The following DDX54 variants were observed in gnomAD, a reference collection of about 807,000 sequenced individuals.
DDX54 encodes ATP-dependent RNA helicase DDX54.
DDX54 carries 67 observed loss-of-function variants against 105.5 expected under a neutral mutation model. The observed-to-expected ratio is 0.64, with a 90% CI of 0.52 to 0.78. DDX54 has a LOEUF of 0.78. DDX54 is among the 30% of genes least tolerant of loss of function. The pLI is 0.00. For missense variants in DDX54, 1,206 were observed against 1,230.5 expected, an observed-to-expected ratio of 0.98 and a Z score of 0.30; for synonymous variants, 514 against 509.9, an observed-to-expected ratio of 1.01 and a Z score of -0.11.
intron 12 of DDX54, among the ~76,000 whole-genome samples, chr12:113,166,698 T>A: frequency 6.6e-6 from 1 of 151,758 alleles, no homozygotes; most frequent in Admixed American, 6.5e-5. Context: ...CAAGACTTTG[T>A]CTCTCTTAAA....
In DDX54 at chr12:113,161,319, A is replaced by T; in HGVS notation, c.2364T>A (p.Ser788=). Residue 788 remains serine (S), a synonymous_variant, in exon 19 of 20, where the codon TCT becomes TCA. Coordinates refer to ENST00000306014, the MANE Select transcript of DDX54 (RefSeq NM_024072.4). ...CTCTTCGCTCTGGGCCTCGCCGGTC[A>T]GATGCCCCTTCTTCGTCCGAGTCAC... ...DDRDSDEEGA[S]DRRGPERRGG... 1 of 1,613,572 alleles carries T rather than the reference A, an allele frequency of 6.2e-7. No individual in the cohort carries two copies. The highest frequency in any genetic ancestry group is 8.5e-7 in the Non-Finnish European group (1 of 1,179,748).
chr12:113,181,099 A>G (rs1480259768), intron 1 of DDX54, 41 bp from the exon 2 acceptor site: 1 of 1,589,744 alleles, frequency 6.3e-7, no homozygotes, highest in South Asian at 1.1e-5. Context: ...CTCCAGGCAC[A>G]GTGGGACCAC....
At position 113,165,853 on chromosome 12, in the gene DDX54, T is replaced by C. The variant is rs376213344; in HGVS notation, c.1594A>G (p.Lys532Glu). ...SRPAPSPESIKRAKEMDLVGL... is the reference protein window; with the variant it reads ...SRPAPSPESIERAKEMDLVGL... ...ACAAGGTCCATCTCCTTGGCCCTCT[T>C]GATGGACTCAGGCGAGGGCGCCGGG... Residue 532 changes from lysine to glutamate, a missense_variant, in exon 13 of 20, where the codon AAG (lysine) becomes GAG (glutamate). Around this residue, in one of 3 missense-constraint regions of DDX54, gnomAD observed 961 missense variants for 1,019.1 expected, o/e 0.94. Coordinates refer to ENST00000306014, the MANE Select transcript of DDX54 (RefSeq NM_024072.4). The C allele has an allele frequency of 1.5e-5, 24 of 1,613,010 alleles. No individual in the cohort carries two copies. In the African/African-American group the frequency reaches 2.9e-4, roughly 20 times the overall value.
intron 19 of DDX54, 102 bp downstream of exon 19, chr12:113,161,168 G>A: frequency 1.1e-6 from 1 of 872,716 alleles, no homozygotes; most frequent in Non-Finnish European, 1.7e-6. Context: ...CCCAGCTCTG[G>A]GGCTCTGCAG....
chr12:113,157,488 A>T lies in DDX54; in HGVS notation c.*1389T>A. On this transcript the variant is annotated 3_prime_UTR_variant, in exon 20 of 20. Coordinates refer to ENST00000306014, the MANE Select transcript of DDX54 (RefSeq NM_024072.4). ...GAACCACCATCATCACTGTTCTTTT[A>T]ATGAGGGGATCTCCAGTCCCCGCCC... 2 of 783,812 alleles carry T rather than the reference A, an allele frequency of 2.6e-6. No homozygotes were observed. Among genetic ancestry groups the T allele is most frequent in the Non-Finnish European group, 4.2e-6 (2 of 473,660 alleles). 48.6% of individuals were successfully genotyped at this position (783,812 alleles called of 1,614,324 possible). A position where few individuals can be genotyped will look rare whatever the true frequency, so the allele number is the denominator to read the frequency against.
intron 19 of DDX54, among the ~76,000 whole-genome samples, chr12:113,160,047 G>A (rs1952184834): frequency 1.3e-5 from 2 of 152,194 alleles, no homozygotes; most frequent in African/African-American, 4.8e-5. Flanking sequence ...CGTCTCCCCA[G>A]CCCCTGCACG....
At chr12:113,169,990 G>A (rs550260125) in intron 11 of DDX54, 86 bp from the exon 12 acceptor site, 176 of 1,547,386 alleles carry the variant, frequency 1.1e-4, no homozygotes, top group Admixed American at 4.4e-4. Context: ...CTGAGCAGGT[G>A]AGCCTGGCCA....
intron 1 of DDX54, among the ~76,000 whole-genome samples, chr12:113,184,782 C>T (rs531335508): frequency 6.6e-6 from 1 of 152,166 alleles, no homozygotes; most frequent in Admixed American, 6.5e-5. Flanking sequence ...GGCGTGGCTA[C>T]ACAACTGCAC....
Position 113,157,480 on chromosome 12 carries a change from G to A in DDX54, c.*1397C>T. ...ACCTCTGGGAACCACCATCATCACT[G>A]TTCTTTTAATGAGGGGATCTCCAGT... On this transcript the variant is annotated 3_prime_UTR_variant, in exon 20 of 20. Coordinates refer to ENST00000306014, the MANE Select transcript of DDX54 (RefSeq NM_024072.4). 1 of 765,130 alleles carries A rather than the reference G, an allele frequency of 1.3e-6. No individual in the cohort carries two copies. The highest frequency in any genetic ancestry group is 2.2e-6 in the Non-Finnish European group (1 of 460,174). The allele number at this position is 765,130 out of a possible 1,614,324, so 47.4% of individuals were successfully genotyped here. A position where few individuals can be genotyped will look rare whatever the true frequency, so the allele number is the denominator to read the frequency against.
intron 12 of DDX54, among the ~76,000 whole-genome samples, chr12:113,168,482 T>G (rs940412078): frequency 6.6e-6 from 1 of 152,232 alleles, no homozygotes; most frequent in Non-Finnish European, 1.5e-5. Context: ...CAGCCCTCCC[T>G]CTAGCACAGA....
Position 113,163,100 on chromosome 12 carries a change from C to T in DDX54, c.2081+32G>A, listed in dbSNP as rs1231915942. On this transcript the variant is annotated intron_variant, in intron 16 of 19. Coordinates refer to ENST00000306014, the MANE Select transcript of DDX54 (RefSeq NM_024072.4). This position sits in a 1 kb window ranked among gnomAD's most constrained non-coding sequence, Gnocchi z 5.9. Reference sequence around the variant, plus strand: ...GATTGATGGGACCCAGCGGACCCAACTGCCCCACCCAGGACCCAGCCAGCC... The same window carrying T: ...GATTGATGGGACCCAGCGGACCCAATTGCCCCACCCAGGACCCAGCCAGCC... 3.1e-6 allele frequency: 5 copies of T among 1,611,204 alleles called. No individual in the cohort carries two copies. The highest frequency in any genetic ancestry group is 1.3e-5 in the African/African-American group (1 of 75,024).
Position 113,185,276 on chromosome 12 carries a change from A to G in DDX54, c.174+2T>C. 2.6e-6 allele frequency: 4 copies of G among 1,556,658 alleles called. No individual in the cohort carries two copies. The highest frequency in any genetic ancestry group is 3.5e-6 in the Non-Finnish European group (4 of 1,154,220). The stretch of plus-strand genomic sequence containing the variant: ...ACATGCGTCCCAGCCCCACGCGCCT[A>G]CCTTCCGGGCCCGGGCGTCATCTTC... On this transcript the variant is annotated splice_donor_variant, in intron 1 of 19. Transcript: ENST00000306014. LOFTEE classifies it high-confidence loss of function.
chr12:113,157,721 A>G lies in DDX54; in HGVS notation c.*1156T>C. ...CAGCGGGAGAGGGAACCCCTGAGAG[A>G]CCCTGAGATAGGAGGGCCCACATTT... On this transcript the variant is annotated 3_prime_UTR_variant, in exon 20 of 20. Transcript: ENST00000306014. The G allele has an allele frequency of 6.8e-7, 1 of 1,481,100 alleles. No homozygotes were observed. The highest frequency in any genetic ancestry group is 9.2e-7 in the Non-Finnish European group (1 of 1,084,664). 91.7% of individuals were successfully genotyped at this position (1,481,100 alleles called of 1,614,324 possible). A position where few individuals can be genotyped will look rare whatever the true frequency, so the allele number is the denominator to read the frequency against.
chr12:113,162,409 GT>G (rs2136313888), intron 17 of DDX54, among the ~76,000 whole-genome samples: 1 of 152,348 alleles, frequency 6.6e-6, no homozygotes, highest in South Asian at 2.1e-4. Context: ...AATAGACGGG[GT>G]CAAGATCTCT....
rs866165984 is a variant in DDX54, at chr12:113,169,965, T to C, written c.1280-61A>G. 37 of 1,596,790 alleles carry C rather than the reference T, an allele frequency of 2.3e-5. 4 individuals are homozygous for C. In the Middle Eastern group the frequency reaches 6.2e-3, roughly 268 times the overall value. On this transcript the variant is annotated intron_variant, in intron 11 of 19. Coordinates refer to ENST00000306014, the MANE Select transcript of DDX54 (RefSeq NM_024072.4). ...AGAAGGACCCGGACCCAGCATGAGT[T>C]CCACAGGCCAGACCCTGAGCAGGTG...
intron 11 of DDX54, 38 bp from the exon 12 acceptor site, chr12:113,169,942 A>G (rs1952317336): frequency 3.7e-6 from 6 of 1,610,964 alleles, no homozygotes; most frequent in Non-Finnish European, 5.1e-6. Flanking sequence ...TTAAGCAAAG[A>G]AGGACCCGGA....
intron 1 of DDX54, among the ~76,000 whole-genome samples, chr12:113,184,619 G>A (rs544861946): frequency 6.6e-6 from 1 of 152,168 alleles, no homozygotes; most frequent in South Asian, 2.1e-4. Flanking sequence ...GAGGCCAGAA[G>A]TTCGAGACCA....
chr12:113,157,883 TGAG>T lies in DDX54; in HGVS notation c.*991_*993del. ...AGCACTCCATAAATGCAGGCCCTGA[TGAG>T]GAGGTGATGGGAAGGTCAAGGGGCT... On this transcript the variant is annotated 3_prime_UTR_variant, in exon 20 of 20. Coordinates refer to ENST00000306014, the MANE Select transcript of DDX54 (RefSeq NM_024072.4). 2 of 595,970 alleles carry T rather than the reference TGAG, an allele frequency of 3.4e-6. No individual in the cohort carries two copies. The highest frequency in any genetic ancestry group is 2.8e-5 in the Admixed American group (1 of 35,352). The allele number at this position is 595,970 out of a possible 1,614,324, so 36.9% of individuals were successfully genotyped here.
rs746854500 is a variant in DDX54 at position 113,181,034 on chromosome 12, T to C, written c.199A>G (p.Thr67Ala). Residue 67 changes from threonine (T) to alanine (A), a missense_variant, in exon 2 of 20, where the codon ACC becomes GCC. Coordinates refer to ENST00000306014, the MANE Select transcript of DDX54 (RefSeq NM_024072.4). ...RKLGPGRPLP[T>A]FPTSECTSDV... ...GAGGTGCATTCCGAGGTGGGGAAGG[T>C]GGGCAGGGGTCTTCCAGGTCCCAGC... 6.2e-7 allele frequency: 1 copy of C among 1,612,796 alleles called. No individual in the cohort carries two copies. Among genetic ancestry groups the C allele is most frequent in the Non-Finnish European group, 8.5e-7 (1 of 1,179,476 alleles).
Sources: gnomAD v4.1 joint callset for allele counts (sites outside exome capture counted in the v4.1 genomes callset) on GRCh38, gnomAD v4.1.1 for gene constraint, gnomAD v4.1.1 regional missense constraint, Gnocchi (gnomAD v3.1) non-coding constraint, MANE v1.5 for transcripts, NCBI Gene and HGNC (gene_info 2026-07-23, HGNC 2026-07-21) for gene names.